SHANK2: variants seen among roughly 807,000 people sequenced by gnomAD.
SHANK2 encodes the protein SH3 and multiple ankyrin repeat domains 2.
Under a neutral mutation model 133.7 loss-of-function variants are expected in SHANK2, and 43 were observed. The observed-to-expected ratio is 0.32, with a 90% CI of 0.25 to 0.41. The LOEUF (loss-of-function observed/expected upper bound fraction) is 0.41, where lower values mean the gene tolerates loss of function less well. Ranked by LOEUF, SHANK2 falls within the 10% of genes least tolerant of loss-of-function variation. The pLI is 1.00. For missense variants in SHANK2, 1,994 were observed against 2,235.8 expected (o/e 0.89, Z 2.18); for synonymous variants, 1,017 against 952.8 (o/e 1.07, Z -1.24).
At chr11:70,943,848 CCA>C in intron 10 of SHANK2, 1 of 448,218 alleles carries the variant, frequency 2.2e-6, no homozygotes, top group East Asian at 7.0e-5. Context: ...CAACCACATC[CCA>C]CGCCACAGTG....
In SHANK2 at chr11:70,928,387, C is replaced by T. The variant is rs532636463; in HGVS notation, c.1108-31820G>A. Among the ~76,000 whole-genome samples, 179 of 152,220 alleles carry T rather than the reference C, an allele frequency of 1.2e-3. 1 individual carries two copies. The highest frequency in any genetic ancestry group is 3.9e-3 in the African/African-American group (164 of 41,538). ...TTCAGGGCAGAACAGGCTCTTGTGG[C>T]GCACCTGGCATGGATCAAGGGCTGC... On this transcript the variant is annotated intron_variant, in intron 10 of 25. Coordinates refer to ENST00000601538, the MANE Select transcript of SHANK2 (RefSeq NM_012309.5).
chr11:70,482,323 A>C (rs1164234305), intron 25 of SHANK2, among the ~76,000 whole-genome samples: 1 of 151,236 alleles, frequency 6.6e-6, no homozygotes, highest in East Asian at 1.9e-4. Context: ...CTAGTGACTA[A>C]GCCTGCTATT....
chr11:70,791,268 G>A (rs1367129422), intron 14 of SHANK2, among the ~76,000 whole-genome samples: 1 of 152,182 alleles, frequency 6.6e-6, no homozygotes, highest in Non-Finnish European at 1.5e-5. Context: ...GTCCTGGATA[G>A]GCACCATGCA....
chr11:71,185,867 G>A (rs1953659206), intron 2 of SHANK2, among the ~76,000 whole-genome samples: 1 of 152,080 alleles, frequency 6.6e-6, no homozygotes, highest in Admixed American at 6.5e-5. Context: ...CCAATTTGGG[G>A]GGTGGGTGGG....
chr11:71,158,010 C>T (rs1952935725), intron 2 of SHANK2, among the ~76,000 whole-genome samples: 1 of 152,156 alleles, frequency 6.6e-6, no homozygotes, highest in Non-Finnish European at 1.5e-5. Context: ...GGGACACAAA[C>T]CACCCCTAGT....
chr11:70,789,269 T>C (rs1226497890), intron 14 of SHANK2, among the ~76,000 whole-genome samples: 2 of 152,202 alleles, frequency 1.3e-5, no homozygotes, highest in South Asian at 2.1e-4. Context: ...GTCCTGTCTC[T>C]TCTCCATTGA....
chr11:70,935,249 C>T (rs1246423200), intron 10 of SHANK2, among the ~76,000 whole-genome samples: 1 of 152,116 alleles, frequency 6.6e-6, no homozygotes, highest in East Asian at 1.9e-4. Context: ...CCATTTGTCA[C>T]TCAGGAGCTC....
chr11:71,064,363 G>A (rs1255198293), intron 9 of SHANK2, among the ~76,000 whole-genome samples: 1 of 152,208 alleles, frequency 6.6e-6, no homozygotes, highest in Non-Finnish European at 1.5e-5. Context: ...CGGAGGCAGA[G>A]GCCACCCCAG....
At position 70,591,927 on chromosome 11, in the gene SHANK2, G is replaced by C. The variant is rs1453046834; in HGVS notation, c.2061+67901C>G. Among the ~76,000 whole-genome samples the C allele has an allele frequency of 3.3e-5, 5 of 152,128 alleles. No homozygotes were observed. In the East Asian group the frequency reaches 9.7e-4, roughly 30 times the overall value. ...CCAGCTACTCGGGAGGCTGAGGCAG[G>C]AGAACCGCTGAAACCGGGAGGCCGA... On this transcript the variant is annotated intron_variant, in intron 17 of 25. Coordinates refer to ENST00000601538, the MANE Select transcript of SHANK2 (RefSeq NM_012309.5).
chr11:70,774,848 C>T (rs897933814), intron 14 of SHANK2, among the ~76,000 whole-genome samples: 16 of 152,196 alleles, frequency 1.1e-4, no homozygotes, highest in African/African-American at 3.6e-4. Flanking sequence ...ACTAAACAGG[C>T]GAGGGTTAAC....
intron 17 of SHANK2, among the ~76,000 whole-genome samples, chr11:70,610,364 A>T (rs1554993832): frequency 6.6e-6 from 1 of 152,000 alleles, no homozygotes; most frequent in Admixed American, 6.5e-5. Flanking sequence ...CAAAAAAATG[A>T]ATTATTGCCT....
intron 6 of SHANK2, among the ~76,000 whole-genome samples, chr11:71,099,983 A>G (rs868961786): frequency 6.6e-6 from 1 of 151,576 alleles, no homozygotes. Context: ...CAGGAGGTCA[A>G]GTTTGCAGTG....
intron 15 of SHANK2, among the ~76,000 whole-genome samples, chr11:70,694,852 G>A (rs557083681): frequency 1.5e-3 from 232 of 152,122 alleles, no homozygotes; most frequent in Non-Finnish European, 2.9e-3. Context: ...CACACTGCCC[G>A]CTCTCTGCCT....
At chr11:70,492,651 C>T (rs2058907071) in intron 21 of SHANK2, among the ~76,000 whole-genome samples, 186 bp from the exon 22 acceptor site, 1 of 152,194 alleles carries the variant, frequency 6.6e-6, no homozygotes, top group Non-Finnish European at 1.5e-5. Flanking sequence ...GGCTCCTTCC[C>T]AGGACCTTGC....
chr11:70,546,086 T>G (rs1203221357), intron 17 of SHANK2, among the ~76,000 whole-genome samples: 2 of 134,960 alleles, frequency 1.5e-5, no homozygotes, highest in African/African-American at 5.3e-5. Flanking sequence ...TTTTATAAAT[T>G]TATTTATTTA....
intron 2 of SHANK2, among the ~76,000 whole-genome samples, chr11:71,215,932 C>T (rs1555119777): frequency 6.6e-6 from 1 of 152,114 alleles, no homozygotes; most frequent in Non-Finnish European, 1.5e-5. Context: ...CAGCGCCTCC[C>T]CCACCCTCCA....
At chr11:71,073,230 C>G (rs1951172808) in intron 9 of SHANK2, among the ~76,000 whole-genome samples, 1 of 143,056 alleles carries the variant, frequency 7.0e-6, no homozygotes, top group Non-Finnish European at 1.5e-5. Flanking sequence ...ACTATCTCAG[C>G]TCACTGCAAC....
rs1172132994 is a variant in SHANK2, at chr11:70,569,369, G to T, written c.2062-66438C>A. On this transcript the variant is annotated intron_variant, in intron 17 of 25. Coordinates refer to ENST00000601538, the MANE Select transcript of SHANK2 (RefSeq NM_012309.5). The surrounding 1 kb of genome is among the most constrained non-coding windows in gnomAD (Gnocchi z 5.1). ...ACGCATCTTGCCCCGGTTTCCAGGT[G>T]CGGTGGAGCGGGGAGCTCCGGGGCT... is the stretch of plus-strand genomic sequence containing the variant. Among the ~76,000 whole-genome samples the T allele has an allele frequency of 6.6e-6, 1 of 152,208 alleles. No homozygotes were observed. The highest frequency in any genetic ancestry group is 1.5e-5 in the Non-Finnish European group (1 of 68,034).
In SHANK2 at chr11:70,857,101, G is replaced by A. The variant is rs115539573; in HGVS notation, c.1175-36419C>T. ...TTAAGCAAACATTTCCCTGACGATG[G>A]CCCCAGCAGCCAGGAGGCAGTCTCA... is the stretch of plus-strand genomic sequence containing the variant. On this transcript the variant is annotated intron_variant, in intron 11 of 25. Coordinates refer to ENST00000601538, the MANE Select transcript of SHANK2 (RefSeq NM_012309.5). Among the ~76,000 whole-genome samples, 388 of 152,272 alleles carry A rather than the reference G, an allele frequency of 2.5e-3. 1 individual carries two copies. The highest frequency in any genetic ancestry group is 8.9e-3 in the African/African-American group (368 of 41,548).
Sources: allele counts gnomAD v4.1 joint callset (sites outside exome capture counted in the v4.1 genomes callset), GRCh38; gene constraint gnomAD v4.1.1; non-coding constraint Gnocchi (gnomAD v3.1); transcripts MANE v1.5; gene names NCBI Gene and HGNC (gene_info 2026-07-23, HGNC 2026-07-21).